Variants in TMTC2 observed in about 807,000 individuals in gnomAD.
TMTC2 encodes protein O-mannosyl-transferase TMTC2.
TMTC2 carries 43 observed loss-of-function variants against 82.4 expected under a neutral mutation model. That is an observed-to-expected ratio of 0.52 (90% confidence interval 0.41 to 0.67). The LOEUF is 0.67. Ranked by LOEUF, TMTC2 falls within the 30% of genes least tolerant of loss-of-function variation. The pLI, the probability that TMTC2 is intolerant of heterozygous loss-of-function variation, is 0.00. For missense variants in TMTC2, 919 were observed against 1,012.4 expected (o/e 0.91, Z 1.25); for synonymous variants, 408 against 381.9 (o/e 1.07, Z -0.80).
At chr12:82,839,926 A>AT (rs1870244989) in intron 1 of TMTC2, among the ~76,000 whole-genome samples, 1 of 152,176 alleles carries the variant, frequency 6.6e-6, no homozygotes, top group African/African-American at 2.4e-5. Context: ...TAGATTGGCT[A>AT]TTGGGCTTAA....
At chr12:82,692,903 G>C (rs182461737) in intron 1 of TMTC2, among the ~76,000 whole-genome samples, 9 of 152,228 alleles carry the variant, frequency 5.9e-5, no homozygotes, top group Non-Finnish European at 1.2e-4. Context: ...TTGAATAATT[G>C]CTGGTGTAAT....
Position 82,747,647 on chromosome 12 carries a change from G to A in TMTC2, c.83+59978G>A, listed in dbSNP as rs559797451. Among the ~76,000 whole-genome samples, 10 of 152,300 alleles carry A rather than the reference G, an allele frequency of 6.6e-5. No individual in the cohort carries two copies. In the East Asian group the frequency reaches 1.9e-3, roughly 29 times the overall value. The stretch of plus-strand genomic sequence containing the variant: ...GACTTACTCGTTAGGCAATATAGAA[G>A]CATTCATACCTTCAATGGAGTATTG... On this transcript the variant is annotated intron_variant, in intron 1 of 11. Transcript: ENST00000321196.
chr12:82,910,044 G>T (rs1028589389), intron 3 of TMTC2, among the ~76,000 whole-genome samples: 1 of 152,126 alleles, frequency 6.6e-6, no homozygotes, highest in South Asian at 2.1e-4. Context: ...TGCTGATATT[G>T]TTAAAGAGCA....
intron 1 of TMTC2, among the ~76,000 whole-genome samples, chr12:82,755,901 G>T (rs1315904403): frequency 2.0e-5 from 3 of 151,940 alleles, no homozygotes; most frequent in Non-Finnish European, 4.4e-5. Flanking sequence ...AATAAAAATA[G>T]AAATTACTAA....
intron 1 of TMTC2, among the ~76,000 whole-genome samples, chr12:82,704,848 C>A (rs534335153): frequency 6.6e-6 from 1 of 151,908 alleles, no homozygotes; most frequent in Non-Finnish European, 1.5e-5. Context: ...GAATAATTGC[C>A]CTTATAAAGA....
At position 82,997,412 on chromosome 12, in the gene TMTC2, G is replaced by GTA. The variant is rs201322827; in HGVS notation, c.2070+11381_2070+11382dup. Among the ~76,000 whole-genome samples, 165 of 35,224 alleles carry GTA rather than the reference G, an allele frequency of 4.7e-3. 4 individuals carry two copies. Among genetic ancestry groups the GTA allele is most frequent in the Middle Eastern group, 0.022 (1 of 46 alleles). 23.1% of individuals were successfully genotyped at this position (35,224 alleles called of 152,430 possible). ...TATATATATGTGTATATATATATGT[G>GTA]TATATATATATATATACACACAGAG... On this transcript the variant is annotated intron_variant, in intron 8 of 11. Coordinates refer to ENST00000321196, the MANE Select transcript of TMTC2 (RefSeq NM_152588.3).
At chr12:82,730,863 A>G (rs529957236) in intron 1 of TMTC2, among the ~76,000 whole-genome samples, 16 of 152,342 alleles carry the variant, frequency 1.1e-4, no homozygotes, top group African/African-American at 3.8e-4. Context: ...GAGAGGTAAA[A>G]TCAAACGGGT....
chr12:82,772,818 G>A lies in TMTC2; in HGVS notation c.84-84192G>A, dbSNP rs1037651604. Among the ~76,000 whole-genome samples the A allele has an allele frequency of 2.0e-5, 3 of 152,104 alleles. No individual in the cohort carries two copies. In the South Asian group the frequency reaches 6.2e-4, roughly 32 times the overall value. ...CACCTATTTAAATTCTACGTTGGGT[G>A]CTTTTTTTCGCTAATGATCTGTGGA... On this transcript the variant is annotated intron_variant, in intron 1 of 11. Coordinates refer to ENST00000321196, the MANE Select transcript of TMTC2 (RefSeq NM_152588.3).
rs146198998 is a variant in TMTC2 at position 82,965,424 on chromosome 12, A to C, written c.1685-136A>C. The stretch of plus-strand genomic sequence containing the variant: ...TTTCACTACCATTATTGATCCCATG[A>C]GTATTTGTGTCATAAGTATTTTTTT... On this transcript the variant is annotated intron_variant, in intron 5 of 11. Transcript: ENST00000321196. 1.1e-3 allele frequency: 968 copies of C among 842,962 alleles called. 12 individuals are homozygous for C. In the African/African-American group the frequency reaches 0.015, roughly 13 times the overall value. The allele number at this position is 842,962 out of a possible 1,614,324, so 52.2% of individuals were successfully genotyped here.
chr12:82,745,011 A>G (rs1477257452), intron 1 of TMTC2, among the ~76,000 whole-genome samples: 1 of 152,174 alleles, frequency 6.6e-6, no homozygotes, highest in African/African-American at 2.4e-5. Context: ...CAAAGAATGT[A>G]TACAAAAGAT....
At chr12:82,933,238 A>G (rs540205277) in intron 4 of TMTC2, among the ~76,000 whole-genome samples, 134 of 152,308 alleles carry the variant, frequency 8.8e-4, no homozygotes, top group Non-Finnish European at 1.5e-3. Flanking sequence ...TCTGATATCA[A>G]TAATTCTATT....
intron 11 of TMTC2, among the ~76,000 whole-genome samples, chr12:83,090,884 A>C (rs1270494959): frequency 2.6e-5 from 4 of 152,230 alleles, no homozygotes; most frequent in African/African-American, 9.6e-5. Context: ...TCAGGCATAA[A>C]CGAGATAGCC....
chr12:82,707,687 G>A (rs923764381), intron 1 of TMTC2, among the ~76,000 whole-genome samples: 2 of 152,186 alleles, frequency 1.3e-5, no homozygotes, highest in African/African-American at 4.8e-5. Flanking sequence ...TCTGGCATAT[G>A]AGTGGAAAGG....
chr12:83,089,856 A>T (rs556201067), intron 11 of TMTC2, among the ~76,000 whole-genome samples: 6 of 152,240 alleles, frequency 3.9e-5, no homozygotes, highest in Admixed American at 3.9e-4. Context: ...ACAAAAAAAA[A>T]AAAACTATTT....
At position 82,937,927 on chromosome 12, in the gene TMTC2, T is replaced by TTA. The variant is rs1285108233; in HGVS notation, c.1598+7383_1598+7384insAT. ...TCAAACCTTTTTTTTTTTTTATTTT[T>TTA]TTTTTTTGAGACAGTCTTACGCTGT... On this transcript the variant is annotated intron_variant, in intron 4 of 11. Coordinates refer to ENST00000321196, the MANE Select transcript of TMTC2 (RefSeq NM_152588.3). Among the ~76,000 whole-genome samples the TTA allele has an allele frequency of 3.9e-3, 349 of 89,194 alleles. 1 individual carries two copies. The highest frequency in any genetic ancestry group is 8.2e-3 in the African/African-American group (270 of 32,750). 58.5% of individuals were successfully genotyped at this position (89,194 alleles called of 152,430 possible). A position where few individuals can be genotyped will look rare whatever the true frequency, so the allele number is the denominator to read the frequency against.
At chr12:82,885,577 C>T (rs1203061129) in intron 2 of TMTC2, among the ~76,000 whole-genome samples, 2 of 151,598 alleles carry the variant, frequency 1.3e-5, no homozygotes, top group Non-Finnish European at 2.9e-5. Flanking sequence ...ATTATGTTGC[C>T]CAAGTGGGTC....
intron 3 of TMTC2, among the ~76,000 whole-genome samples, chr12:82,928,194 A>C (rs550270844): frequency 1.3e-5 from 2 of 152,284 alleles, no homozygotes; most frequent in South Asian, 4.1e-4. Context: ...ACTACTATCA[A>C]AATGGGATAC....
chr12:82,774,241 G>A (rs531178304), intron 1 of TMTC2, among the ~76,000 whole-genome samples: 4 of 152,222 alleles, frequency 2.6e-5, no homozygotes, highest in South Asian at 4.1e-4. Context: ...ATATGTGTAT[G>A]TGTGTGTATA....
intron 1 of TMTC2, among the ~76,000 whole-genome samples, chr12:82,743,963 G>T (rs539684251): frequency 2.0e-5 from 3 of 152,102 alleles, no homozygotes; most frequent in South Asian, 2.1e-4. Context: ...TAAATGTCAG[G>T]TACAGGTTTT....
Sources: allele counts gnomAD v4.1 joint callset (sites outside exome capture counted in the v4.1 genomes callset), GRCh38; gene constraint gnomAD v4.1.1; transcripts MANE v1.5; gene names NCBI Gene and HGNC (gene_info 2026-07-23, HGNC 2026-07-21).